RBM6: variants seen among roughly 807,000 people sequenced by gnomAD.
RBM6 encodes RNA-binding protein 6.
Under a neutral mutation model 140.4 loss-of-function variants are expected in RBM6, and 23 were observed. The ratio of observed to expected loss-of-function variants is 0.16; its 90% CI spans 0.12 to 0.23. The LOEUF (loss-of-function observed/expected upper bound fraction) is 0.23, where lower values mean the gene tolerates loss of function less well. RBM6 is among the 10% of genes least tolerant of loss of function. RBM6 has a pLI of 1.00. For missense variants in RBM6, 1,139 were observed against 1,386.7 expected (o/e 0.82, Z 2.84); for synonymous variants, 439 against 475.6 (o/e 0.92, Z 1.00).
chr3:50,021,741 T>C (rs1048216351), intron 6 of RBM6, among the ~76,000 whole-genome samples: 6 of 22,124 alleles, frequency 2.7e-4, no homozygotes, highest in East Asian at 2.6e-3. Context: ...ATTTAAGTGC[T>C]TTTTTTTTTT....
chr3:50,008,743 G>T (rs2086702041), intron 6 of RBM6, among the ~76,000 whole-genome samples: 1 of 151,880 alleles, frequency 6.6e-6, no homozygotes, highest in South Asian at 2.1e-4. Context: ...TAGAGATGGG[G>T]TTTCACCATG....
intron 6 of RBM6, among the ~76,000 whole-genome samples, chr3:50,003,729 G>A (rs1013200801): frequency 7.9e-5 from 12 of 152,188 alleles, no homozygotes; most frequent in Non-Finnish European, 1.5e-4. Context: ...TGTGGCTGTG[G>A]TGACCGATCA....
intron 18 of RBM6, 50 bp from the exon 19 acceptor site, chr3:50,070,405 C>T (rs775786686): frequency 1.3e-5 from 17 of 1,333,756 alleles, no homozygotes; most frequent in Non-Finnish European, 1.7e-5. Context: ...TCCCCACTCC[C>T]CAATTCCCTC....
At chr3:49,957,237 G>T (rs1449830617) in intron 1 of RBM6, among the ~76,000 whole-genome samples, 3 of 152,020 alleles carry the variant, frequency 2.0e-5, no homozygotes, top group African/African-American at 7.2e-5. Flanking sequence ...GCTTCCTGAA[G>T]TGCTGGGATT....
At position 50,058,617 on chromosome 3, in the gene RBM6, A is replaced by G. The variant is rs529157736; in HGVS notation, c.2130+55A>G. On this transcript the variant is annotated intron_variant, in intron 10 of 20. Transcript: ENST00000266022. ...GAGACAGATGGCTAAAGAACCTTCA[A>G]GAAGGTTTGACTGGGGGCCGGGCCT... The G allele has an allele frequency of 4.7e-5, 71 of 1,515,478 alleles. No individual in the cohort carries two copies. In the African/African-American group the frequency reaches 8.4e-4, roughly 18 times the overall value. The allele number at this position is 1,515,478 out of a possible 1,614,324, so 93.9% of individuals were successfully genotyped here. A position where few individuals can be genotyped will look rare whatever the true frequency, so the allele number is the denominator to read the frequency against.
intron 6 of RBM6, among the ~76,000 whole-genome samples, chr3:50,015,293 A>AG (rs1454500556): frequency 1.5e-4 from 22 of 147,280 alleles, no homozygotes; most frequent in East Asian, 6.2e-4. Context: ...TTTTTAGCAG[A>AG]GGCGGGGTTT....
chr3:50,053,811 C>T (rs776407509), intron 7 of RBM6, among the ~76,000 whole-genome samples: 1 of 152,192 alleles, frequency 6.6e-6, no homozygotes, highest in Non-Finnish European at 1.5e-5. Context: ...ATGTCTCTTA[C>T]CTTATTCTGG....
At chr3:50,034,062 G>A (rs1203145637) in intron 6 of RBM6, among the ~76,000 whole-genome samples, 2 of 145,806 alleles carry the variant, frequency 1.4e-5, no homozygotes, top group Non-Finnish European at 3.0e-5. Context: ...ATAAGACTAT[G>A]TCTTCTTTTT....
At chr3:49,979,127 AC>A (rs1367324691) in intron 5 of RBM6, among the ~76,000 whole-genome samples, 1 of 152,208 alleles carries the variant, frequency 6.6e-6, no homozygotes, top group African/African-American at 2.4e-5. Context: ...GATGTATGCT[AC>A]AAGTTGGATG....
At chr3:49,945,738 C>T (rs1015712923) in intron 1 of RBM6, among the ~76,000 whole-genome samples, 1 of 151,680 alleles carries the variant, frequency 6.6e-6, no homozygotes, top group Non-Finnish European at 1.5e-5. Context: ...AAACATTAAC[C>T]GGGCGTGGCG....
Position 49,967,712 on chromosome 3 carries a change from G to A in RBM6, c.287G>A (p.Arg96Lys), listed in dbSNP as rs141234052. 82 of 1,614,016 alleles carry A rather than the reference G, an allele frequency of 5.1e-5. No individual in the cohort carries two copies. In the African/African-American group the frequency reaches 9.1e-4, roughly 18 times the overall value. Residue 96 changes from arginine (R) to lysine (K), a missense_variant, in exon 3 of 21, where the codon AGG becomes AAG. Arg to Lys is a conservative substitution (Grantham distance 26). Around this residue, in one of 9 missense-constraint regions of RBM6, gnomAD observed 566 missense variants for 612.7 expected, o/e 0.92. Transcript: ENST00000266022. The surrounding 1 kb of genome is among the most constrained non-coding windows in gnomAD (Gnocchi z 4.0). ...RGGEGPGHDF[R>K]GGDFSSSDFQ... ...GGGGAGGGACCTGGACATGATTTCA[G>A]GGGGGGAGATTTTTCGTCTTCTGAT...
chr3:50,060,979 AC>A lies in RBM6; in HGVS notation c.2254del (p.His752ThrfsTer109). 6.3e-7 allele frequency: 1 copy of A among 1,587,234 alleles called. No individual in the cohort carries two copies. Among genetic ancestry groups the A allele is most frequent in the South Asian group, 1.2e-5 (1 of 86,034 alleles). On this transcript the variant is annotated frameshift_variant, in exon 12 of 21. Coordinates refer to ENST00000266022, the MANE Select transcript of RBM6 (RefSeq NM_005777.3). LOFTEE classifies it high-confidence loss of function. Reference sequence around the variant, plus strand: ...AGAAATGATTCTGGGGACCATTCTGACCACATGCATTACTATCAGGTAGGCT... The same window carrying A: ...AGAAATGATTCTGGGGACCATTCTGACACATGCATTACTATCAGGTAGGCT... ...KRRNDSGDHS[D>X]HMHYYQGKKY...
At chr3:50,072,444 TG>T (rs1338556282) in intron 19 of RBM6, among the ~76,000 whole-genome samples, 1 of 148,502 alleles carries the variant, frequency 6.7e-6, no homozygotes, top group Admixed American at 6.7e-5. Flanking sequence ...AAAGGAAAAG[TG>T]GGTAACAAGT....
intron 6 of RBM6, among the ~76,000 whole-genome samples, chr3:50,020,566 C>T (rs2087424926): frequency 6.6e-6 from 1 of 152,078 alleles, no homozygotes; most frequent in Non-Finnish European, 1.5e-5. Context: ...TTGTGTTTTT[C>T]ATTATCGTTT....
chr3:49,958,984 C>T (rs1333151844), intron 1 of RBM6, among the ~76,000 whole-genome samples: 6 of 151,444 alleles, frequency 4.0e-5, no homozygotes, highest in Non-Finnish European at 5.9e-5. Context: ...TTAGTAGAGA[C>T]GGGTTTCACC....
chr3:50,034,015 CCT>C, intron 6 of RBM6, among the ~76,000 whole-genome samples: 1 of 152,092 alleles, frequency 6.6e-6, no homozygotes, highest in African/African-American at 2.4e-5. Flanking sequence ...TCAAATGCCC[CCT>C]GTCTAGAAAC....
intron 5 of RBM6, among the ~76,000 whole-genome samples, chr3:49,994,614 A>G (rs2085983536): frequency 6.6e-6 from 1 of 152,078 alleles, no homozygotes; most frequent in Non-Finnish European, 1.5e-5. Context: ...TTTTATATTC[A>G]AAATGCTTTG....
intron 6 of RBM6, among the ~76,000 whole-genome samples, chr3:50,046,783 CAAAAGG>C (rs1559627547): frequency 2.0e-5 from 3 of 152,144 alleles, no homozygotes; most frequent in Admixed American, 6.5e-5. Flanking sequence ...TCAGTCAAAA[CAAAAGG>C]AAAAAGAAAA....
At chr3:50,003,310 A>T (rs1382116796) in intron 6 of RBM6, among the ~76,000 whole-genome samples, 1,517 of 6,478 alleles carry the variant, frequency 0.23, 8 homozygotes, top group Admixed American at 0.3. Flanking sequence ...TCTAAATTTA[A>T]AAAAAAAAAA....
Sources: allele counts gnomAD v4.1 joint callset (sites outside exome capture counted in the v4.1 genomes callset), GRCh38; gene constraint gnomAD v4.1.1; regional missense constraint gnomAD v4.1.1; non-coding constraint Gnocchi (gnomAD v3.1); transcripts MANE v1.5; gene names NCBI Gene and HGNC (gene_info 2026-07-23, HGNC 2026-07-21).